POU6F2: variants seen among roughly 807,000 people sequenced by gnomAD.
POU6F2 encodes the protein POU domain, class 6, transcription factor 2.
In POU6F2, 31 loss-of-function variants were observed where a neutral mutation model predicts 71.3. The observed-to-expected ratio is 0.43, with a 90% CI of 0.33 to 0.59. The LOEUF is 0.59. POU6F2 is among the 20% of genes least tolerant of loss of function. POU6F2 has a pLI of 0.04. For missense variants in POU6F2, 783 were observed against 856.8 expected, an observed-to-expected ratio of 0.91 and a Z score of 1.07; for synonymous variants, 347 against 355.7, an observed-to-expected ratio of 0.98 and a Z score of 0.27.
rs77118903 is a variant in POU6F2, at chr7:39,193,855, A to G, written c.278-10380A>G. ...ACAGGCAGTGAGTTAATTTCTGTCTATTTATTTAGACAGTTTATACAGTTT... is the reference window on the plus strand; with the variant it reads ...ACAGGCAGTGAGTTAATTTCTGTCTGTTTATTTAGACAGTTTATACAGTTT... On this transcript the variant is annotated intron_variant, in intron 2 of 9. Coordinates refer to ENST00000518318, the MANE Select transcript of POU6F2 (RefSeq NM_001370959.1). Among the ~76,000 whole-genome samples, 17 of 152,310 alleles carry G rather than the reference A, an allele frequency of 1.1e-4. No homozygotes were observed. The East Asian group carries it at 3.3e-3, about 29-fold the overall frequency.
intron 7 of POU6F2, among the ~76,000 whole-genome samples, chr7:39,447,513 T>C (rs988745039): frequency 6.6e-6 from 1 of 152,226 alleles, no homozygotes; most frequent in African/African-American, 2.4e-5. Flanking sequence ...TTTCATCTTT[T>C]GAAGTCTCTG....
At chr7:39,103,967 T>G (rs920816660) in intron 2 of POU6F2, among the ~76,000 whole-genome samples, 4 of 152,190 alleles carry the variant, frequency 2.6e-5, no homozygotes, top group African/African-American at 9.7e-5. Flanking sequence ...GGCTTCCTTA[T>G]GGGAAAAGGG....
chr7:38,984,524 C>T (rs1244309248), intron 1 of POU6F2: 5 of 152,062 alleles, frequency 3.3e-5, no homozygotes, highest in Non-Finnish European at 7.4e-5. Flanking sequence ...CCTCATCTCA[C>T]CTAGCAATTC....
chr7:39,345,241 C>T (rs1194042017), intron 5 of POU6F2, among the ~76,000 whole-genome samples: 5 of 151,836 alleles, frequency 3.3e-5, no homozygotes, highest in African/African-American at 9.7e-5. Context: ...CGTTTCTGGA[C>T]ACACCTTTAA....
intron 3 of POU6F2, 130 bp downstream of exon 3, chr7:39,204,456 A>T: frequency 4.3e-6 from 3 of 696,698 alleles, no homozygotes; most frequent in Non-Finnish European, 6.8e-6. Flanking sequence ...AAATTTTCGT[A>T]TGAAAAGCTG....
At chr7:39,098,473 G>A (rs974395403) in intron 2 of POU6F2, among the ~76,000 whole-genome samples, 1 of 151,324 alleles carries the variant, frequency 6.6e-6, no homozygotes, top group African/African-American at 2.4e-5. Flanking sequence ...GAGAGGGGGG[G>A]TCTCACTTTG....
chr7:39,410,601 C>A (rs755767262), intron 6 of POU6F2, among the ~76,000 whole-genome samples: 6 of 152,106 alleles, frequency 3.9e-5, no homozygotes, highest in Admixed American at 6.5e-5. Flanking sequence ...TGACGTCGGG[C>A]AAATTACTTG....
intron 4 of POU6F2, among the ~76,000 whole-genome samples, chr7:39,285,965 G>A (rs374900415): frequency 3.9e-5 from 6 of 152,214 alleles, no homozygotes; most frequent in African/African-American, 9.6e-5. Flanking sequence ...ACGTTGATTC[G>A]CAATAAATGC....
At chr7:39,204,350 C>T (rs769143745) in intron 3 of POU6F2, 24 bp downstream of exon 3, 15 of 1,573,800 alleles carry the variant, frequency 9.5e-6, no homozygotes, top group Non-Finnish European at 1.3e-5. Context: ...AACTGCTTTC[C>T]ACTGGGCTGC....
chr7:39,164,416 T>C (rs1793069063), intron 2 of POU6F2, among the ~76,000 whole-genome samples: 1 of 130,598 alleles, frequency 7.7e-6, no homozygotes, highest in Non-Finnish European at 1.7e-5. Flanking sequence ...CTGAGCCCAC[T>C]TCCATCCCAG....
intron 4 of POU6F2, among the ~76,000 whole-genome samples, chr7:39,274,009 T>A (rs1784388429): frequency 6.6e-6 from 1 of 152,202 alleles, no homozygotes; most frequent in African/African-American, 2.4e-5. Context: ...AAATTTAATT[T>A]ATATAATGTA....
chr7:39,438,150 G>A (rs948149096), intron 7 of POU6F2, among the ~76,000 whole-genome samples: 45 of 152,096 alleles, frequency 3.0e-4, no homozygotes, highest in African/African-American at 1.1e-3. Context: ...CTGTGTCCAA[G>A]TGTTCTCATT....
intron 4 of POU6F2, among the ~76,000 whole-genome samples, chr7:39,208,968 A>G (rs2128746226): frequency 6.6e-6 from 1 of 152,304 alleles, no homozygotes; most frequent in Middle Eastern, 3.4e-3. Flanking sequence ...GGGAATATTG[A>G]ATATTATAAA....
At chr7:39,187,830 A>T (rs1341530548) in intron 2 of POU6F2, among the ~76,000 whole-genome samples, 1 of 152,182 alleles carries the variant, frequency 6.6e-6, no homozygotes, top group Non-Finnish European at 1.5e-5. Flanking sequence ...AGATGTGGCC[A>T]TTTCAATTTG....
At chr7:39,065,395 A>G (rs1017191036) in intron 1 of POU6F2, among the ~76,000 whole-genome samples, 2 of 151,708 alleles carry the variant, frequency 1.3e-5, no homozygotes, top group Non-Finnish European at 3.0e-5. Flanking sequence ...ATAACCTTAC[A>G]TTCTCTCATT....
chr7:39,056,200 A>T (rs6960250), intron 1 of POU6F2, among the ~76,000 whole-genome samples: 48,228 of 151,862 alleles, frequency 0.32, 8,322 homozygotes, highest in African/African-American at 0.46. Context: ...GAGATAAAAC[A>T]TGGTTATTGT....
intron 7 of POU6F2, among the ~76,000 whole-genome samples, chr7:39,442,095 C>T (rs148796486): frequency 6.6e-6 from 1 of 152,170 alleles, no homozygotes; most frequent in East Asian, 1.9e-4. Context: ...CTCTCAGAGA[C>T]TATGCTTGGA....
At chr7:39,420,022 T>G (rs1425380000) in intron 6 of POU6F2, among the ~76,000 whole-genome samples, 1 of 152,256 alleles carries the variant, frequency 6.6e-6, no homozygotes, top group Non-Finnish European at 1.5e-5. Context: ...TAACAACTGT[T>G]GATTTCCTCT....
intron 7 of POU6F2, among the ~76,000 whole-genome samples, chr7:39,448,900 C>A (rs2116105832): frequency 6.6e-6 from 1 of 152,318 alleles, no homozygotes; most frequent in Non-Finnish European, 1.5e-5. Flanking sequence ...ATATCCATCA[C>A]ACTTTATTAA....
Sources: allele counts gnomAD v4.1 joint callset (sites outside exome capture counted in the v4.1 genomes callset), GRCh38; gene constraint gnomAD v4.1.1; transcripts MANE v1.5; gene names NCBI Gene and HGNC (gene_info 2026-07-23, HGNC 2026-07-21).